PPP1R16B: variants seen among roughly 807,000 people sequenced by gnomAD.
PPP1R16B encodes protein phosphatase 1 regulatory subunit 16B.
A neutral mutation model predicts 61.7 loss-of-function variants in PPP1R16B; 14 were observed. That is an observed-to-expected ratio of 0.23 (90% CI 0.15 to 0.35). The LOEUF (loss-of-function observed/expected upper bound fraction) is 0.35, where lower values mean the gene tolerates loss of function less well. Ranked by LOEUF, PPP1R16B falls within the 10% of genes least tolerant of loss-of-function variation. The pLI is 1.00. For synonymous variants in PPP1R16B, 266 were observed against 305.3 expected (o/e 0.87, Z 1.34); for missense variants, 547 against 752.5 (o/e 0.73, Z 3.19).
chr20:38,831,181 G>A (rs1266966397), intron 1 of PPP1R16B, among the ~76,000 whole-genome samples: 1 of 152,246 alleles, frequency 6.6e-6, no homozygotes, highest in Non-Finnish European at 1.5e-5. Flanking sequence ...GCACACAGCT[G>A]CTTCCTTGTA....
chr20:38,850,236 G>A (rs767235682), intron 2 of PPP1R16B, among the ~76,000 whole-genome samples: 39 of 152,094 alleles, frequency 2.6e-4, no homozygotes, highest in Non-Finnish European at 1.6e-4. Context: ...AATTGTAATG[G>A]CTAGATAAGG....
chr20:38,865,465 T>G (rs1419770473), intron 2 of PPP1R16B, among the ~76,000 whole-genome samples: 1 of 152,078 alleles, frequency 6.6e-6, no homozygotes, highest in Non-Finnish European at 1.5e-5. Flanking sequence ...AATTTTTTTG[T>G]ATTTTTAGTA....
chr20:38,830,890 C>T (rs774989285), intron 1 of PPP1R16B, among the ~76,000 whole-genome samples: 3 of 152,156 alleles, frequency 2.0e-5, no homozygotes, highest in African/African-American at 7.2e-5. Flanking sequence ...GCTGTAACAG[C>T]GCAAGTGATT....
At chr20:38,887,847 G>C (rs1170541013) in intron 2 of PPP1R16B, among the ~76,000 whole-genome samples, 1 of 152,184 alleles carries the variant, frequency 6.6e-6, no homozygotes, top group Non-Finnish European at 1.5e-5. Flanking sequence ...CCTTCACGCA[G>C]GGCCTCGGTT....
At chr20:38,810,368 G>C (rs1046027894) in intron 1 of PPP1R16B, among the ~76,000 whole-genome samples, 2 of 152,256 alleles carry the variant, frequency 1.3e-5, no homozygotes, top group Admixed American at 1.3e-4. Context: ...ACCCGAGGCA[G>C]TCCCTCTGCA....
intron 1 of PPP1R16B, among the ~76,000 whole-genome samples, chr20:38,818,670 G>C (rs374925893): frequency 6.6e-6 from 1 of 152,072 alleles, no homozygotes. Flanking sequence ...CATAGCAAAG[G>C]CTCAGTTAAC....
At chr20:38,808,205 C>A (rs930893470) in intron 1 of PPP1R16B, among the ~76,000 whole-genome samples, 6 of 152,204 alleles carry the variant, frequency 3.9e-5, no homozygotes, top group African/African-American at 1.4e-4. Flanking sequence ...TCCCATTTTG[C>A]AGATGGGAAA....
intron 6 of PPP1R16B, among the ~76,000 whole-genome samples, chr20:38,903,496 C>T (rs73108592): frequency 0.19 from 29,033 of 151,874 alleles, 2,901 homozygotes; most frequent in Middle Eastern, 0.33. Flanking sequence ...GTCTGCCCAC[C>T]ACTCCCAGTC....
At chr20:38,859,081 C>T (rs1241570820) in intron 2 of PPP1R16B, among the ~76,000 whole-genome samples, 2 of 152,134 alleles carry the variant, frequency 1.3e-5, no homozygotes, top group South Asian at 2.1e-4. Flanking sequence ...GCTACCAAGC[C>T]GACCCCGACT....
intron 2 of PPP1R16B, among the ~76,000 whole-genome samples, chr20:38,846,486 G>T (rs2084936326): frequency 6.6e-6 from 1 of 152,210 alleles, no homozygotes; most frequent in South Asian, 2.1e-4. Flanking sequence ...CATCTCAGAA[G>T]CCTGGAAGAA....
At chr20:38,866,725 G>T (rs2085093326) in intron 2 of PPP1R16B, among the ~76,000 whole-genome samples, 1 of 152,212 alleles carries the variant, frequency 6.6e-6, no homozygotes, top group African/African-American at 2.4e-5. Flanking sequence ...GAGGCACCCT[G>T]CAGTGTGCAA....
Position 38,895,592 on chromosome 20 carries a change from G to T in PPP1R16B, c.349G>T (p.Val117Leu), listed in dbSNP as rs1255388704. The change falls in exon 4 of 11, where the codon GTG becomes TTG. Residue 117 changes from valine (V) to leucine (L), a missense_variant. Transcript: ENST00000299824. ...QCCIDNFEEI[V>L]KLLLSHGANV... ...CTGCATCGACAACTTTGAGGAAATT[G>T]TGAAGCTGCTCCTCTCCCATGGTGC... 6.2e-7 allele frequency: 1 copy of T among 1,613,854 alleles called. No individual in the cohort carries two copies. Among genetic ancestry groups the T allele is most frequent in the Admixed American group, 1.7e-5 (1 of 60,028 alleles).
At chr20:38,810,867 T>C (rs928606914) in intron 1 of PPP1R16B, among the ~76,000 whole-genome samples, 9 of 152,214 alleles carry the variant, frequency 5.9e-5, no homozygotes, top group African/African-American at 2.2e-4. Flanking sequence ...GGGGGGCATC[T>C]CAAAGTTGCC....
chr20:38,866,289 G>A (rs1196570129), intron 2 of PPP1R16B, among the ~76,000 whole-genome samples: 1 of 152,156 alleles, frequency 6.6e-6, no homozygotes, highest in Non-Finnish European at 1.5e-5. Flanking sequence ...CTGAGTGTCT[G>A]TGCAGCGGGA....
chr20:38,843,480 CTCTCTATAGGACA>C (rs2084920948), intron 2 of PPP1R16B, among the ~76,000 whole-genome samples: 1 of 152,222 alleles, frequency 6.6e-6, no homozygotes, highest in South Asian at 2.1e-4. Context: ...CCATGTGGCC[CTCTCTATAGGACA>C]GCTCGAGTGT....
At chr20:38,850,057 A>G (rs1031546715) in intron 2 of PPP1R16B, among the ~76,000 whole-genome samples, 3 of 152,244 alleles carry the variant, frequency 2.0e-5, no homozygotes, top group Admixed American at 2.0e-4. Flanking sequence ...TTGTGGATGC[A>G]TGAGACTACC....
At chr20:38,819,117 G>C (rs1172787607) in intron 1 of PPP1R16B, among the ~76,000 whole-genome samples, 1 of 152,002 alleles carries the variant, frequency 6.6e-6, no homozygotes, top group Non-Finnish European at 1.5e-5. Context: ...ATAAAAAAGA[G>C]CATGGGCTTC....
chr20:38,891,481 A>C (rs2085291830), intron 3 of PPP1R16B, among the ~76,000 whole-genome samples: 1 of 152,170 alleles, frequency 6.6e-6, no homozygotes, highest in Non-Finnish European at 1.5e-5. Flanking sequence ...TTTCATTTTT[A>C]TCCTTACAAC....
At chr20:38,838,246 A>T in intron 2 of PPP1R16B, 1 of 152,530 alleles carries the variant, frequency 6.6e-6, no homozygotes, top group South Asian at 2.1e-4. Context: ...CCATCCCTGT[A>T]TAATAAGCCT....
Sources: gnomAD v4.1 joint callset for allele counts (sites outside exome capture counted in the v4.1 genomes callset) on GRCh38, gnomAD v4.1.1 for gene constraint, MANE v1.5 for transcripts, NCBI Gene and HGNC (gene_info 2026-07-23, HGNC 2026-07-21) for gene names.